C2orf49: variants seen among roughly 807,000 people sequenced by gnomAD.
C2orf49 encodes tRNA-splicing ligase complex subunit ASW.
C2orf49 carries 11 observed loss-of-function variants against 20.6 expected under a neutral mutation model. The ratio of observed to expected loss-of-function variants is 0.53; its 90% CI spans 0.34 to 0.88. The LOEUF (loss-of-function observed/expected upper bound fraction) is 0.88, where lower values mean the gene tolerates loss of function less well. Ranked by LOEUF, C2orf49 falls within the 40% of genes least tolerant of loss-of-function variation. The pLI, the probability that C2orf49 is intolerant of heterozygous loss-of-function variation, is 0.02. For missense variants in C2orf49, 289 were observed against 274.2 expected, an observed-to-expected ratio of 1.05 and a Z score of -0.38; for synonymous variants, 134 against 108.5, an observed-to-expected ratio of 1.24 and a Z score of -1.46.
At chr2:105,373,536 A>G in the C2orf49 span, 20 of 1,613,928 alleles carry the variant, frequency 1.2e-5, no homozygotes, top group Non-Finnish European at 1.6e-5. Flanking sequence ...TGGCTCACGC[A>G]TGAGAAAGGA....
chr2:105,357,325 A>G, the C2orf49 span, among the ~76,000 whole-genome samples: 1 of 152,088 alleles, frequency 6.6e-6, no homozygotes, highest in Non-Finnish European at 1.5e-5. Context: ...TCCTAACTCA[A>G]ATCTACTACT....
chr2:105,363,587 G>C, the C2orf49 span: 3 of 972,464 alleles, frequency 3.1e-6, no homozygotes, highest in Admixed American at 8.1e-5. Flanking sequence ...AGTTTGTTAA[G>C]TCACCAAGAA....
At chr2:105,352,901 AAAAC>A (rs1168970305), downstream of C2orf49, among the ~76,000 whole-genome samples, 1 of 152,180 alleles carries the variant, frequency 6.6e-6, no homozygotes, top group Non-Finnish European at 1.5e-5. Flanking sequence ...AAACCCATCA[AAAAC>A]AAACAACTGG....
At chr2:105,349,701 A>G (rs1281740583), downstream of C2orf49, among the ~76,000 whole-genome samples, 1 of 152,240 alleles carries the variant, frequency 6.6e-6, no homozygotes. Context: ...TTGTAATGGT[A>G]GAAAGTAAAA....
chr2:105,359,712 T>C, the C2orf49 span: 1 of 152,194 alleles, frequency 6.6e-6, no homozygotes, highest in Non-Finnish European at 1.5e-5. Flanking sequence ...CTGTAATGAC[T>C]GTGTGTCTCT....
intron 1 of C2orf49, 28 bp downstream of exon 1, chr2:105,337,714 CGGGTG>C: frequency 1.4e-5 from 12 of 832,522 alleles, no homozygotes; most frequent in South Asian, 6.5e-5. Context: ...GGAGGGTGGG[CGGGTG>C]GGCCTTCCCA....
At chr2:105,373,786 C>T in the C2orf49 span, 5 of 1,596,980 alleles carry the variant, frequency 3.1e-6, no homozygotes, top group Non-Finnish European at 2.6e-6. Context: ...AGGGCTTGGA[C>T]CCACAGCATA....
the C2orf49 span, chr2:105,373,715 G>C: frequency 1.2e-6 from 2 of 1,613,988 alleles, no homozygotes; most frequent in African/African-American, 1.3e-5. Flanking sequence ...TGCCAGTGCC[G>C]GTCCTTGTAA....
chr2:105,352,384 C>T (rs535982390), downstream of C2orf49, among the ~76,000 whole-genome samples: 12 of 146,286 alleles, frequency 8.2e-5, no homozygotes, highest in South Asian at 2.4e-3. Context: ...GTAAATAAAA[C>T]ATGGTCCCTG....
At chr2:105,359,482 C>T in the C2orf49 span, 1 of 152,196 alleles carries the variant, frequency 6.6e-6, no homozygotes, top group Non-Finnish European at 1.5e-5. Context: ...ATATATCAGA[C>T]TTGATTTCCA....
chr2:105,374,046 AAACATG>A, the C2orf49 span: 2 of 383,766 alleles, frequency 5.2e-6, no homozygotes, highest in African/African-American at 4.1e-5. Flanking sequence ...GAGAAACAGA[AAACATG>A]AACACCTATC....
chr2:105,352,438 T>TG, downstream of C2orf49, among the ~76,000 whole-genome samples: 1 of 124,290 alleles, frequency 8.0e-6, no homozygotes, highest in African/African-American at 2.8e-5. Context: ...GGTTTTTTTT[T>TG]TTTTTTTTTT....
At chr2:105,376,873 G>A in the C2orf49 span, 1 of 152,238 alleles carries the variant, frequency 6.6e-6, no homozygotes, top group Non-Finnish European at 1.5e-5. Flanking sequence ...CAGCATGGAT[G>A]AATCTTGAGG....
At chr2:105,352,068 ATTGT>A (rs1426957291), downstream of C2orf49, among the ~76,000 whole-genome samples, 1 of 152,198 alleles carries the variant, frequency 6.6e-6, no homozygotes, top group Non-Finnish European at 1.5e-5. Flanking sequence ...CATTTACTTA[ATTGT>A]TCAATTGCAG....
chr2:105,343,590 C>T (rs2576766), intron 3 of C2orf49, among the ~76,000 whole-genome samples: 21,055 of 152,200 alleles, frequency 0.14, 1,812 homozygotes, highest in South Asian at 0.25. Context: ...CAGGGTCACA[C>T]ATTTATTAAG....
At chr2:105,351,150 G>A (rs779116003), downstream of C2orf49, among the ~76,000 whole-genome samples, 13 of 152,216 alleles carry the variant, frequency 8.5e-5, no homozygotes, top group Non-Finnish European at 1.6e-4. Context: ...GAGGACTACA[G>A]AGGTAAATTG....
the C2orf49 span, among the ~76,000 whole-genome samples, chr2:105,371,575 T>C: frequency 3.3e-5 from 5 of 151,544 alleles, no homozygotes; most frequent in Admixed American, 2.0e-4. Context: ...TCTCTCTCTC[T>C]CCTTATGTAT....
At chr2:105,363,877 G>A in the C2orf49 span, among the ~76,000 whole-genome samples, 1 of 152,208 alleles carries the variant, frequency 6.6e-6, no homozygotes, top group Admixed American at 6.5e-5. Context: ...CTGGGAGCAG[G>A]TCATGATAAA....
At chr2:105,359,056 G>A in the C2orf49 span, 2 of 152,216 alleles carry the variant, frequency 1.3e-5, no homozygotes, top group Non-Finnish European at 2.9e-5. Flanking sequence ...CTTCTTCCAA[G>A]TGTCTACTGC....
Sources: gnomAD v4.1 joint callset for allele counts (sites outside exome capture counted in the v4.1 genomes callset) on GRCh38, gnomAD v4.1.1 for gene constraint, MANE v1.5 for transcripts, NCBI Gene and HGNC (gene_info 2026-07-23, HGNC 2026-07-21) for gene names.